The following SOS1 variants were observed in gnomAD, a reference collection of about 807,000 sequenced individuals.
SOS1 encodes the protein son of sevenless homolog 1.
In SOS1, 25 loss-of-function variants were observed where a neutral mutation model predicts 157.6. The ratio of observed to expected loss-of-function variants is 0.16; its 90% CI spans 0.12 to 0.22. SOS1 has a LOEUF of 0.22. Ranked by LOEUF, SOS1 falls within the 10% of genes least tolerant of loss-of-function variation. The pLI, the probability that SOS1 is intolerant of heterozygous loss-of-function variation, is 1.00. For synonymous variants in SOS1, 528 were observed against 534.0 expected, an observed-to-expected ratio of 0.99 and a Z score of 0.16; for missense variants, 1,237 against 1,599.1, an observed-to-expected ratio of 0.77 and a Z score of 3.86.
chr2:39,075,046 A>G (rs868169986), intron 1 of SOS1, among the ~76,000 whole-genome samples: 1 of 152,182 alleles, frequency 6.6e-6, no homozygotes, highest in African/African-American at 2.4e-5. Flanking sequence ...TAAGGTTTTA[A>G]GTGAGACACG....
upstream of SOS1, among the ~76,000 whole-genome samples, chr2:39,123,385 A>G (rs1673964538): frequency 6.8e-6 from 1 of 146,312 alleles, no homozygotes; most frequent in Admixed American, 6.8e-5. Flanking sequence ...TCTGAGACAG[A>G]GTCTCATTTT....
At chr2:39,039,569 G>C (rs973470899) in intron 6 of SOS1, among the ~76,000 whole-genome samples, 1 of 152,056 alleles carries the variant, frequency 6.6e-6, no homozygotes, top group Non-Finnish European at 1.5e-5. Context: ...CCATTTATTT[G>C]TATCTTCTCT....
chr2:39,090,836 G>C lies in SOS1; in HGVS notation c.88-23083C>G, dbSNP rs561055678. On this transcript the variant is annotated intron_variant, in intron 1 of 22. Transcript: ENST00000402219. ...AAAAAATACAGCTTCCAATTCAGTA[G>C]TTCTTGGGTAGAACATTTTTTGTTG... is the stretch of plus-strand genomic sequence containing the variant. Among the ~76,000 whole-genome samples the C allele has an allele frequency of 8.4e-4, 128 of 152,108 alleles. 1 individual carries two copies. The South Asian group carries it at 0.018, about 21-fold the overall frequency.
intron 15 of SOS1, among the ~76,000 whole-genome samples, chr2:39,010,059 T>C (rs1669411021): frequency 6.6e-6 from 1 of 152,200 alleles, no homozygotes; most frequent in South Asian, 2.1e-4. Flanking sequence ...CTCACGCCTG[T>C]AATCCCAGCA....
At chr2:39,104,275 T>G (rs1341844124) in intron 1 of SOS1, among the ~76,000 whole-genome samples, 1 of 151,374 alleles carries the variant, frequency 6.6e-6, no homozygotes, top group Admixed American at 6.6e-5. Context: ...ACAGCAAGAC[T>G]TCATCTCAAA....
At chr2:39,101,406 A>G (rs770173174) in intron 1 of SOS1, among the ~76,000 whole-genome samples, 21 of 152,152 alleles carry the variant, frequency 1.4e-4, no homozygotes, top group Non-Finnish European at 2.8e-4. Flanking sequence ...TATCCAAACT[A>G]TATCAAACTG....
chr2:39,070,784 A>G (rs1671767631), intron 1 of SOS1, among the ~76,000 whole-genome samples: 1 of 152,210 alleles, frequency 6.6e-6, no homozygotes, highest in African/African-American at 2.4e-5. Flanking sequence ...CATCACATAA[A>G]CTATAGCTAC....
At chr2:39,087,417 A>T (rs1415876545) in intron 1 of SOS1, among the ~76,000 whole-genome samples, 2 of 152,246 alleles carry the variant, frequency 1.3e-5, no homozygotes, top group African/African-American at 2.4e-5. Context: ...TTCATGATTA[A>T]CTTAGTAATT....
chr2:39,074,685 T>C (rs1024254812), intron 1 of SOS1, among the ~76,000 whole-genome samples: 3 of 151,754 alleles, frequency 2.0e-5, no homozygotes, highest in Admixed American at 1.3e-4. Context: ...CTGACCAACA[T>C]GGAGAAAGCT....
chr2:39,054,553 G>C (rs762908374), intron 5 of SOS1, 61 bp downstream of exon 5: 113 of 958,852 alleles, frequency 1.2e-4, no homozygotes, highest in Non-Finnish European at 1.6e-4. Context: ...CTTCAAATTT[G>C]AAGTGGTCAT....
chr2:39,095,152 T>C (rs535805995), intron 1 of SOS1, among the ~76,000 whole-genome samples: 4 of 152,340 alleles, frequency 2.6e-5, no homozygotes, highest in Non-Finnish European at 5.9e-5. Context: ...ATTTGCTGCT[T>C]GCAAAAGTTT....
intron 20 of SOS1, 100 bp downstream of exon 20, chr2:38,995,023 A>G (rs1383572130): frequency 3.2e-6 from 3 of 946,324 alleles, no homozygotes; most frequent in Non-Finnish European, 3.4e-6. Context: ...TGACTTAACT[A>G]CAAGTTCACA....
chr2:39,063,895 C>T (rs996938968), intron 2 of SOS1, among the ~76,000 whole-genome samples: 2 of 151,854 alleles, frequency 1.3e-5, no homozygotes, highest in Admixed American at 6.6e-5. Flanking sequence ...TGCAGTGGCG[C>T]GATCACAGCT....
At chr2:39,023,935 AG>A in intron 9 of SOS1, 74 bp downstream of exon 9, 1 of 1,003,450 alleles carries the variant, frequency 1.0e-6, no homozygotes, top group Admixed American at 1.9e-5. Context: ...TTACTTGAGG[AG>A]GGAACTGGGA....
At chr2:39,118,648 A>C (rs1406260748) in intron 1 of SOS1, among the ~76,000 whole-genome samples, 2 of 152,198 alleles carry the variant, frequency 1.3e-5, no homozygotes, top group African/African-American at 2.4e-5. Context: ...CCATTTACTC[A>C]ACTCCAGCAG....
chr2:38,984,318 A>ATTTG lies in SOS1; in HGVS notation c.*1502_*1505dup, dbSNP rs1668488055. 6.6e-6 allele frequency: 1 copy of ATTTG among 152,144 alleles called. No individual in the cohort carries two copies. Among genetic ancestry groups the ATTTG allele is most frequent in the Admixed American group, 6.6e-5 (1 of 15,212 alleles). 9.4% of individuals were successfully genotyped at this position (152,144 alleles called of 1,614,324 possible). On this transcript the variant is annotated 3_prime_UTR_variant, in exon 23 of 23. Transcript: ENST00000402219. ...AAGGTGCATGCATTTCAGTCACAGT[A>ATTTG]TTTGTTAGACTCAGAAGAACAGTAC...
chr2:39,120,353 C>G lies in SOS1; in HGVS notation c.70G>C (p.Val24Leu), dbSNP rs1673824599. ...ENAPKWRGLLVPALKKVQGQV... is the reference protein window; with the variant it reads ...ENAPKWRGLLLPALKKVQGQV... ...CTCCTCACCTTTTTCAGCGCAGGCA[C>G]CAGTAGTCCCCGCCACTTGGGCGCG... is the stretch of plus-strand genomic sequence containing the variant. Residue 24 changes from valine (V) to leucine (L), a missense_variant, in exon 1 of 23, where the codon GTG becomes CTG. Around this residue, in one of 15 missense-constraint regions of SOS1, gnomAD observed 99 missense variants for 81.6 expected, o/e 1.21. Coordinates refer to ENST00000402219, the MANE Select transcript of SOS1 (RefSeq NM_005633.4). 1 of 1,592,220 alleles carries G rather than the reference C, an allele frequency of 6.3e-7. No homozygotes were observed. The highest frequency in any genetic ancestry group is 1.8e-4 in the Middle Eastern group (1 of 5,480).
intron 1 of SOS1, among the ~76,000 whole-genome samples, chr2:39,107,662 A>T (rs1310923980): frequency 7.2e-6 from 1 of 138,742 alleles, no homozygotes; most frequent in African/African-American, 2.9e-5. Context: ...CACACTAAAA[A>T]GAAAAAAAAA....
intron 20 of SOS1, among the ~76,000 whole-genome samples, chr2:38,992,070 A>C (rs1029104123): frequency 1.3e-5 from 2 of 152,214 alleles, no homozygotes; most frequent in Non-Finnish European, 2.9e-5. Flanking sequence ...CAGTCAAGGC[A>C]GTTCTTTTCT....
Sources: allele counts gnomAD v4.1 joint callset (sites outside exome capture counted in the v4.1 genomes callset), GRCh38; gene constraint gnomAD v4.1.1; regional missense constraint gnomAD v4.1.1; transcripts MANE v1.5; gene names NCBI Gene and HGNC (gene_info 2026-07-23, HGNC 2026-07-21).